The following ACTR3C variants were observed in gnomAD, a reference collection of about 807,000 sequenced individuals.
ACTR3C encodes the protein actin related protein 3C, also known as actin-related protein 3C.
A neutral mutation model predicts 26.3 loss-of-function variants in ACTR3C; 18 were observed. The ratio of observed to expected loss-of-function variants is 0.68; its 90% CI spans 0.47 to 1.01. The LOEUF (loss-of-function observed/expected upper bound fraction) is 1.01. Among genes scored for constraint, ACTR3C ranks in the 50% least tolerant of loss-of-function variants. The pLI is 0.00. For missense variants in ACTR3C, 184 were observed against 250.7 expected (o/e 0.73, Z 1.80); for synonymous variants, 55 against 94.5 (o/e 0.58, Z 2.42).
chr7:150,127,107 A>G, the ACTR3C span, among the ~76,000 whole-genome samples: 2 of 151,508 alleles, frequency 1.3e-5, no homozygotes, highest in South Asian at 2.1e-4. Context: ...CTCTGGAGCA[A>G]TAAGAGAAGA....
At chr7:150,212,169 T>C in the ACTR3C span, among the ~76,000 whole-genome samples, 1 of 146,764 alleles carries the variant, frequency 6.8e-6, no homozygotes, top group South Asian at 2.1e-4. Context: ...GAGACTGTAA[T>C]AAAAATATTA....
chr7:150,301,241 G>T (rs1354817861), intron 1 of ACTR3C, among the ~76,000 whole-genome samples: 2 of 152,198 alleles, frequency 1.3e-5, no homozygotes, highest in Non-Finnish European at 1.5e-5. Context: ...AAACTGAGTA[G>T]AGGTGGGGAA....
At chr7:149,884,243 T>G in the ACTR3C span, among the ~76,000 whole-genome samples, 1,085 of 152,268 alleles carry the variant, frequency 7.1e-3, 13 homozygotes, top group African/African-American at 0.025. Flanking sequence ...GGCACCACAG[T>G]TTTGCTTGAC....
At chr7:150,084,354 G>T in the ACTR3C span, among the ~76,000 whole-genome samples, 1 of 152,146 alleles carries the variant, frequency 6.6e-6, no homozygotes, top group African/African-American at 2.4e-5. Context: ...AATAGACAAT[G>T]TCCTTCTCTG....
chr7:149,919,560 A>AT, the ACTR3C span, among the ~76,000 whole-genome samples: 1 of 151,658 alleles, frequency 6.6e-6, no homozygotes, highest in Non-Finnish European at 1.5e-5. Context: ...TCTTTTTTGA[A>AT]TTTTTTTCCA....
At chr7:149,903,230 G>T in the ACTR3C span, among the ~76,000 whole-genome samples, 2 of 142,696 alleles carry the variant, frequency 1.4e-5, no homozygotes, top group African/African-American at 4.9e-5. Context: ...TATTTTAATA[G>T]AAGTTCTAGC....
At chr7:149,914,631 C>A in the ACTR3C span, among the ~76,000 whole-genome samples, 3 of 148,152 alleles carry the variant, frequency 2.0e-5, no homozygotes. Flanking sequence ...AGGCTCAATC[C>A]AGGAAAGTAA....
At chr7:150,051,900 G>A in the ACTR3C span, among the ~76,000 whole-genome samples, 1 of 152,214 alleles carries the variant, frequency 6.6e-6, no homozygotes, top group Non-Finnish European at 1.5e-5. Flanking sequence ...AGCAGCCTAA[G>A]CATGATTTTT....
the ACTR3C span, among the ~76,000 whole-genome samples, chr7:150,160,274 C>A: frequency 1.3e-5 from 2 of 152,046 alleles, no homozygotes; most frequent in African/African-American, 4.8e-5. Flanking sequence ...TCAGTTAAAT[C>A]ATATTTAATA....
chr7:149,930,754 C>T, the ACTR3C span, among the ~76,000 whole-genome samples: 1 of 152,228 alleles, frequency 6.6e-6, no homozygotes, highest in Admixed American at 6.5e-5. Flanking sequence ...CCCCACCAAA[C>T]TCAGCACATG....
the ACTR3C span, among the ~76,000 whole-genome samples, chr7:149,942,740 T>C: frequency 2.0e-5 from 3 of 149,734 alleles, no homozygotes; most frequent in Non-Finnish European, 4.4e-5. Flanking sequence ...ATATAAGGAA[T>C]AGTTCCCCTA....
the ACTR3C span, among the ~76,000 whole-genome samples, chr7:150,029,413 A>AC: frequency 0.01 from 939 of 93,158 alleles, 14 homozygotes; most frequent in Non-Finnish European, 0.014. Flanking sequence ...CAAAAAAAAA[A>AC]AAAACAAACA....
At chr7:149,926,740 C>T in the ACTR3C span, among the ~76,000 whole-genome samples, 6 of 152,158 alleles carry the variant, frequency 3.9e-5, no homozygotes, top group South Asian at 1.2e-3. Context: ...TTCCTCCCAG[C>T]AAGTCACTGG....
At chr7:150,198,946 CTG>C in the ACTR3C span, among the ~76,000 whole-genome samples, 3 of 136,816 alleles carry the variant, frequency 2.2e-5, no homozygotes, top group Non-Finnish European at 3.1e-5. Context: ...GGTCAGCCCC[CTG>C]CCCGGCCAGC....
the ACTR3C span, among the ~76,000 whole-genome samples, chr7:150,063,614 C>T: frequency 4.8e-3 from 723 of 151,714 alleles, 3 homozygotes; most frequent in Middle Eastern, 0.01. Context: ...GGATCAGAGA[C>T]TCATGGGCCA....
chr7:149,941,398 T>C, the ACTR3C span, among the ~76,000 whole-genome samples: 6 of 152,148 alleles, frequency 3.9e-5, no homozygotes, highest in Non-Finnish European at 5.9e-5. Context: ...AGCTACTCAC[T>C]CCCAGAACTG....
chr7:150,247,900 T>G (rs538509114), intron 7 of ACTR3C: 1 of 152,270 alleles, frequency 6.6e-6, no homozygotes, highest in South Asian at 2.1e-4. Flanking sequence ...CCTCTGTGAG[T>G]CAAAGCTCCC....
At chr7:150,280,100 G>C (rs1461492937) in intron 6 of ACTR3C, among the ~76,000 whole-genome samples, 1 of 152,212 alleles carries the variant, frequency 6.6e-6, no homozygotes, top group Non-Finnish European at 1.5e-5. Flanking sequence ...GGCTGGCGCT[G>C]ATGGCGGTTC....
the ACTR3C span, among the ~76,000 whole-genome samples, chr7:150,108,142 ACCAGG>A: frequency 6.6e-6 from 1 of 150,508 alleles, no homozygotes. Flanking sequence ...TGTGGGGCAC[ACCAGG>A]GGACTGTTCC....
Sources: gnomAD v4.1 joint callset for allele counts (sites outside exome capture counted in the v4.1 genomes callset) on GRCh38, gnomAD v4.1.1 for gene constraint, MANE v1.5 for transcripts, NCBI Gene and HGNC (gene_info 2026-07-23, HGNC 2026-07-21) for gene names.